The following NAPG variants were observed in gnomAD, a reference collection of about 807,000 sequenced individuals.
The protein encoded by NAPG is NSF attachment protein gamma, also known as gamma-soluble NSF attachment protein.
A neutral mutation model predicts 48.4 loss-of-function variants in NAPG; 25 were observed. The observed-to-expected ratio is 0.52, with a 90% confidence interval of 0.38 to 0.72. NAPG has a LOEUF of 0.72. Ranked by LOEUF, NAPG falls within the 30% of genes least tolerant of loss-of-function variation. The probability of loss-of-function intolerance (pLI) is 0.00; values close to 1 mark genes in which losing one functional copy is unlikely to be tolerated. For synonymous variants in NAPG, 139 were observed against 127.2 expected, an observed-to-expected ratio of 1.09 and a Z score of -0.62; for missense variants, 359 against 372.5, an observed-to-expected ratio of 0.96 and a Z score of 0.30.
rs1483729208 is a variant in NAPG at position 10,552,657 on chromosome 18, A to G, written c.*2437A>G. 6.6e-6 allele frequency: 1 copy of G among 152,136 alleles called. No homozygotes were observed. Among genetic ancestry groups the G allele is most frequent in the East Asian group, 1.9e-4 (1 of 5,194 alleles). The allele number at this position is 152,136 out of a possible 1,614,324, so 9.4% of individuals were successfully genotyped here. A position where few individuals can be genotyped will look rare whatever the true frequency, so the allele number is the denominator to read the frequency against. ...TCTGTATGGAATCTGCTTTATTCCT[A>G]TTTTTCCCAACTCTGATGAGTAGAA... On this transcript the variant is annotated 3_prime_UTR_variant, in exon 12 of 12. Transcript: ENST00000322897.
chr18:10,534,476 C>A lies in NAPG; in HGVS notation c.238C>A (p.Gln80Lys). Residue 80 changes from glutamine to lysine, a missense_variant, in exon 5 of 12, where the codon CAA (glutamine) becomes AAA (lysine). Physicochemically the swap from Gln to Lys is moderately conservative, Grantham distance 53. Coordinates refer to ENST00000322897, the MANE Select transcript of NAPG (RefSeq NM_003826.3). This position sits in a 1 kb window ranked among gnomAD's most constrained non-coding sequence, Gnocchi z 5.0. Reference protein sequence around the residue: ...ALFHAAKAYEQAGMMLKEMQK... With the variant: ...ALFHAAKAYEKAGMMLKEMQK... ...ATATTCTCTTTGCAGAGCTTATGAG[C>A]AAGCTGGAATGATGTTGAAGGTCAG... The A allele has an allele frequency of 6.2e-7, 1 of 1,613,078 alleles. No homozygotes were observed.
intron 5 of NAPG, among the ~76,000 whole-genome samples, chr18:10,538,767 G>A (rs894409199): frequency 6.6e-6 from 1 of 152,022 alleles, no homozygotes; most frequent in Non-Finnish European, 1.5e-5. Flanking sequence ...ATGTATTTGA[G>A]TCATTTACTT....
chr18:10,526,401 G>T (rs1191294212), intron 1 of NAPG: 1 of 533,714 alleles, frequency 1.9e-6, no homozygotes, highest in Non-Finnish European at 3.3e-6. Flanking sequence ...CCCCAGAGCC[G>T]GTGTGGGCGG....
intron 1 of NAPG, among the ~76,000 whole-genome samples, chr18:10,527,554 A>T (rs1002743878): frequency 6.6e-6 from 1 of 152,222 alleles, no homozygotes; most frequent in African/African-American, 2.4e-5. Flanking sequence ...GACCACAAAA[A>T]AGCTGTATTA....
intron 7 of NAPG, 39 bp downstream of exon 7, chr18:10,540,093 A>G: frequency 4.1e-6 from 6 of 1,457,684 alleles, no homozygotes; most frequent in Non-Finnish European, 5.6e-6. Flanking sequence ...ATTACTTAGA[A>G]TGTTTAGATT....
intron 5 of NAPG, among the ~76,000 whole-genome samples, chr18:10,536,095 A>G (rs1166462113): frequency 1.3e-5 from 2 of 152,156 alleles, no homozygotes; most frequent in African/African-American, 2.4e-5. Flanking sequence ...TTATATTACA[A>G]CAGCTGTACT....
Position 10,544,364 on chromosome 18 carries a change from C to T in NAPG, c.507-1962C>T, listed in dbSNP as rs2032218529. Among the ~76,000 whole-genome samples the T allele has an allele frequency of 1.3e-5, 2 of 152,144 alleles. No individual in the cohort carries two copies. The highest frequency in any genetic ancestry group is 2.1e-4 in the South Asian group (1 of 4,830). ...TCTCACCAGGCCGAAATGAAGGTGT[C>T]GGAGGGGGCTGATCTCACCGGAGGC... On this transcript the variant is annotated intron_variant, in intron 8 of 11. Transcript: ENST00000322897. This position sits in a 1 kb window ranked among gnomAD's most constrained non-coding sequence, Gnocchi z 5.1.
At chr18:10,545,693 T>C (rs1314279933) in intron 8 of NAPG, among the ~76,000 whole-genome samples, 2 of 152,162 alleles carry the variant, frequency 1.3e-5, no homozygotes, top group African/African-American at 4.8e-5. Flanking sequence ...GGGGGAAATG[T>C]TTTGGTGACC....
At chr18:10,533,318 T>TA in intron 3 of NAPG, 1 of 424,184 alleles carries the variant, frequency 2.4e-6, no homozygotes, top group Non-Finnish European at 4.2e-6. Context: ...AGAAATAGTT[T>TA]AAAATCTGTG....
At position 10,526,045 on chromosome 18, in the gene NAPG, G is replaced by C. The variant is rs1277334041; in HGVS notation, c.-58G>C. The C allele has an allele frequency of 8.4e-6, 13 of 1,544,766 alleles. No homozygotes were observed. Among genetic ancestry groups the C allele is most frequent in the Admixed American group, 3.4e-5 (2 of 59,568 alleles). Reference sequence around the variant, plus strand: ...CCCACGCCTATTTGGGCGGATTCTTGGCGCCGGAGGAAGAGGCAGGGTCAC... The same window carrying C: ...CCCACGCCTATTTGGGCGGATTCTTCGCGCCGGAGGAAGAGGCAGGGTCAC... On this transcript the variant is annotated 5_prime_UTR_variant, in exon 1 of 12. Coordinates refer to ENST00000322897, the MANE Select transcript of NAPG (RefSeq NM_003826.3).
intron 7 of NAPG, 79 bp from the exon 8 acceptor site, chr18:10,540,250 C>G: frequency 7.5e-7 from 1 of 1,332,304 alleles, no homozygotes; most frequent in African/African-American, 1.5e-5. Context: ...GCCATTACTT[C>G]TTTACAAAAT....
At chr18:10,526,596 C>T (rs1164432882) in intron 1 of NAPG, 4 of 174,192 alleles carry the variant, frequency 2.3e-5, no homozygotes, top group African/African-American at 9.6e-5. Flanking sequence ...GGAACAACAT[C>T]GCTCTGTTGA....
chr18:10,545,068 T>G (rs2032233618), intron 8 of NAPG, among the ~76,000 whole-genome samples: 1 of 152,104 alleles, frequency 6.6e-6, no homozygotes, highest in African/African-American at 2.4e-5. Context: ...TCCCAGCACT[T>G]TGGGGGGCTG....
Position 10,550,034 on chromosome 18 carries a change from T to G in NAPG, c.796-43T>G, listed in dbSNP as rs753021113. 3.4e-6 allele frequency: 5 copies of G among 1,489,606 alleles called. No individual in the cohort carries two copies. In the South Asian group the frequency reaches 5.6e-5, roughly 17 times the overall value. 92.3% of individuals were successfully genotyped at this position (1,489,606 alleles called of 1,614,324 possible). On this transcript the variant is annotated intron_variant, in intron 11 of 11. Coordinates refer to ENST00000322897, the MANE Select transcript of NAPG (RefSeq NM_003826.3). ...TAGAGCTGAGTAAAACATGTTAGGA[T>G]TCTAGTTATCCAGCTTTTAAGAACA... is the stretch of plus-strand genomic sequence containing the variant.
chr18:10,538,122 T>C (rs746234810), intron 5 of NAPG, among the ~76,000 whole-genome samples: 2 of 152,136 alleles, frequency 1.3e-5, no homozygotes, highest in Non-Finnish European at 2.9e-5. Flanking sequence ...TTTGGAGATA[T>C]TAGACATTAG....
rs2032189101 is a variant in NAPG at position 10,543,122 on chromosome 18, G to A, written c.506+2723G>A. 2.0e-5 allele frequency among the ~76,000 whole-genome samples: 3 copies of A among 147,764 alleles called. No homozygotes were observed. Among genetic ancestry groups the A allele is most frequent in the Non-Finnish European group, 3.0e-5 (2 of 67,280 alleles). On this transcript the variant is annotated intron_variant, in intron 8 of 11. Transcript: ENST00000322897. This position sits in a 1 kb window ranked among gnomAD's most constrained non-coding sequence, Gnocchi z 4.4. The stretch of plus-strand genomic sequence containing the variant: ...GAACCCAGGAGGCACAGGTTGCAGT[G>A]AGACTCCCATCTCAAAAAAAAAAAA...
At position 10,550,336 on chromosome 18, in the gene NAPG, C is replaced by G. The variant is rs2032362222; in HGVS notation, c.*116C>G. 7.1e-6 allele frequency: 8 copies of G among 1,119,744 alleles called. No homozygotes were observed. The highest frequency in any genetic ancestry group is 7.6e-5 in the Admixed American group (2 of 26,256). 69.4% of individuals were successfully genotyped at this position (1,119,744 alleles called of 1,614,324 possible). A position where few individuals can be genotyped will look rare whatever the true frequency, so the allele number is the denominator to read the frequency against. ...TTCATTACAGTCATGATTTTGGATC[C>G]TAATAAAGACTAGTTTTTAGTTACC... On this transcript the variant is annotated 3_prime_UTR_variant, in exon 12 of 12. Transcript: ENST00000322897.
rs523000 is a variant in NAPG, at chr18:10,542,504, T to G, written c.506+2105T>G. ...GTGTTTATAGTGATGGAGACATTAT[T>G]GAGATGATTTATGTGATAATTGAAA... On this transcript the variant is annotated intron_variant, in intron 8 of 11. Coordinates refer to ENST00000322897, the MANE Select transcript of NAPG (RefSeq NM_003826.3). The surrounding 1 kb of genome is among the most constrained non-coding windows in gnomAD (Gnocchi z 4.5). Among the ~76,000 whole-genome samples the G allele has an allele frequency of 0.34, 51,624 of 151,888 alleles. 8,835 individuals are homozygous for G. Among genetic ancestry groups the G allele is most frequent in the East Asian group, 0.41 (2,113 of 5,138 alleles).
Position 10,542,439 on chromosome 18 carries a change from A to G in NAPG, c.506+2040A>G, listed in dbSNP as rs537936195. ...TTAAGTCTACTGTCATGGTACTTCT[A>G]TTGGGAACTTAAATAGTGCAGGATA... On this transcript the variant is annotated intron_variant, in intron 8 of 11. Coordinates refer to ENST00000322897, the MANE Select transcript of NAPG (RefSeq NM_003826.3). The surrounding 1 kb of genome is among the most constrained non-coding windows in gnomAD (Gnocchi z 4.5). Among the ~76,000 whole-genome samples, 15 of 152,208 alleles carry G rather than the reference A, an allele frequency of 9.9e-5. No homozygotes were observed. The highest frequency in any genetic ancestry group is 1.9e-4 in the Non-Finnish European group (13 of 68,038).
Sources: allele counts gnomAD v4.1 joint callset (sites outside exome capture counted in the v4.1 genomes callset), GRCh38; gene constraint gnomAD v4.1.1; non-coding constraint Gnocchi (gnomAD v3.1); transcripts MANE v1.5; gene names NCBI Gene and HGNC (gene_info 2026-07-23, HGNC 2026-07-21).